The following APBB2 variants were observed in gnomAD, a reference collection of about 807,000 sequenced individuals.
APBB2 encodes the protein Fe65-like 1.
In APBB2, 38 loss-of-function variants were observed where a neutral mutation model predicts 82.5. The observed-to-expected ratio is 0.46, with a 90% CI of 0.36 to 0.60. The LOEUF is 0.60. Ranked by LOEUF, APBB2 falls within the 20% of genes least tolerant of loss-of-function variation. The pLI is 0.00. For missense variants in APBB2, 772 were observed against 972.3 expected, an observed-to-expected ratio of 0.79 and a Z score of 2.74; for synonymous variants, 341 against 368.2, an observed-to-expected ratio of 0.93 and a Z score of 0.85.
intron 1 of APBB2, among the ~76,000 whole-genome samples, chr4:41,203,187 T>A (rs936252396): frequency 7.3e-5 from 11 of 150,424 alleles, no homozygotes; most frequent in South Asian, 2.1e-4. Flanking sequence ...TACTTGCAGC[T>A]TGTAAAAAAA....
At chr4:41,134,301 C>G (rs560285822) in intron 2 of APBB2, among the ~76,000 whole-genome samples, 1 of 151,824 alleles carries the variant, frequency 6.6e-6, no homozygotes, top group South Asian at 2.1e-4. Flanking sequence ...TTTTTAGGGC[C>G]GGGCGCAGTG....
At chr4:41,016,965 T>G (rs1560534532) in intron 5 of APBB2, among the ~76,000 whole-genome samples, 1 of 152,050 alleles carries the variant, frequency 6.6e-6, no homozygotes, top group African/African-American at 2.4e-5. Flanking sequence ...GGCAGGAGCA[T>G]GCCTCACTGC....
In APBB2 at chr4:41,210,240, C is replaced by T. The variant is rs567530951; in HGVS notation, c.-417+4165G>A. On this transcript the variant is annotated intron_variant, in intron 1 of 17. Transcript: ENST00000508593. ...GCTCTTAAACGAAGACCTCTCTCCT[C>T]GAATGGCTGCATCACAGATCTCTAG... Among the ~76,000 whole-genome samples the T allele has an allele frequency of 4.6e-5, 7 of 152,308 alleles. No individual in the cohort carries two copies. In the South Asian group the frequency reaches 8.3e-4, roughly 18 times the overall value.
intron 5 of APBB2, among the ~76,000 whole-genome samples, chr4:41,019,403 G>T (rs1038851275): frequency 6.6e-6 from 1 of 152,088 alleles, no homozygotes; most frequent in Non-Finnish European, 1.5e-5. Flanking sequence ...GAAGAGAGGC[G>T]GTAAGGACAA....
At chr4:41,163,520 G>A (rs1765710871) in intron 1 of APBB2, among the ~76,000 whole-genome samples, 1 of 152,160 alleles carries the variant, frequency 6.6e-6, no homozygotes, top group African/African-American at 2.4e-5. Context: ...TTCAGAGAAA[G>A]AAGATTACTT....
chr4:41,126,796 TTTC>T (rs1219479624), intron 2 of APBB2, among the ~76,000 whole-genome samples: 5 of 152,318 alleles, frequency 3.3e-5, no homozygotes. Context: ...CTGTGCCTAA[TTTC>T]TTCTTCTTAT....
intron 1 of APBB2, among the ~76,000 whole-genome samples, chr4:41,173,095 C>A (rs1768778815): frequency 6.6e-6 from 1 of 152,164 alleles, no homozygotes; most frequent in Non-Finnish European, 1.5e-5. Flanking sequence ...ACACCAAAGA[C>A]TCTACTAATA....
At chr4:40,911,060 C>T (rs966085956) in intron 10 of APBB2, among the ~76,000 whole-genome samples, 6 of 152,210 alleles carry the variant, frequency 3.9e-5, no homozygotes, top group Non-Finnish European at 7.3e-5. Flanking sequence ...TGACCTTCCC[C>T]TGTGTCTTGG....
intron 2 of APBB2, among the ~76,000 whole-genome samples, chr4:41,117,406 C>A (rs1751389961): frequency 2.0e-5 from 3 of 151,614 alleles, no homozygotes; most frequent in Non-Finnish European, 2.9e-5. Context: ...AATTCTCCTG[C>A]CTCAGCCTCT....
At chr4:41,081,035 T>C (rs1272059646) in intron 3 of APBB2, among the ~76,000 whole-genome samples, 1 of 152,224 alleles carries the variant, frequency 6.6e-6, no homozygotes, top group African/African-American at 2.4e-5. Flanking sequence ...ATTTGACCAA[T>C]TGCCAAACTA....
At chr4:41,113,797 T>G (rs2153984240) in intron 2 of APBB2, 1 of 152,238 alleles carries the variant, frequency 6.6e-6, no homozygotes, top group East Asian at 1.9e-4. Context: ...AGGGTTAAAA[T>G]GTCATGACAG....
At chr4:40,866,674 T>C (rs1396600404) in intron 12 of APBB2, among the ~76,000 whole-genome samples, 1 of 152,208 alleles carries the variant, frequency 6.6e-6, no homozygotes, top group Non-Finnish European at 1.5e-5. Context: ...CAACTGGAAG[T>C]TCCTAATTTG....
intron 6 of APBB2, among the ~76,000 whole-genome samples, chr4:40,949,409 C>T (rs546936234): frequency 1.7e-4 from 26 of 152,198 alleles, no homozygotes; most frequent in Middle Eastern, 3.4e-3. Context: ...TGAAAACAAG[C>T]GTCAGTTTTT....
At chr4:40,817,211 C>T (rs113129203) in intron 17 of APBB2, among the ~76,000 whole-genome samples, 17 of 151,922 alleles carry the variant, frequency 1.1e-4, no homozygotes, top group Admixed American at 2.6e-4. Context: ...AGTTTGAAAC[C>T]GGCCTGGGCA....
At chr4:41,163,916 GA>G (rs1765823632) in intron 1 of APBB2, among the ~76,000 whole-genome samples, 1 of 152,094 alleles carries the variant, frequency 6.6e-6, no homozygotes, top group Admixed American at 6.5e-5. Flanking sequence ...CAACCTACAT[GA>G]AATATAAATG....
At chr4:40,897,231 A>C (rs1295215939) in intron 10 of APBB2, among the ~76,000 whole-genome samples, 2 of 151,530 alleles carry the variant, frequency 1.3e-5, no homozygotes, top group Admixed American at 1.3e-4. Flanking sequence ...CGGGTGGGCA[A>C]ACAGGCTCAT....
At chr4:40,885,794 T>C (rs1184014041) in intron 12 of APBB2, among the ~76,000 whole-genome samples, 1 of 152,254 alleles carries the variant, frequency 6.6e-6, no homozygotes, top group Non-Finnish European at 1.5e-5. Context: ...TCCATGTGAT[T>C]GTGTTTCCAC....
intron 5 of APBB2, among the ~76,000 whole-genome samples, chr4:41,028,949 CAAAG>C (rs1419065109): frequency 6.6e-6 from 1 of 152,128 alleles, no homozygotes; most frequent in Non-Finnish European, 1.5e-5. Flanking sequence ...AGCCTTTTGT[CAAAG>C]AAAGAGTTTG....
chr4:41,043,143 T>C (rs1247622503), intron 4 of APBB2, among the ~76,000 whole-genome samples: 2 of 152,240 alleles, frequency 1.3e-5, no homozygotes, highest in African/African-American at 4.8e-5. Context: ...TCAGCATTTA[T>C]ACTTTGCATA....
Sources: allele counts gnomAD v4.1 joint callset (sites outside exome capture counted in the v4.1 genomes callset), GRCh38; gene constraint gnomAD v4.1.1; transcripts MANE v1.5; gene names NCBI Gene and HGNC (gene_info 2026-07-23, HGNC 2026-07-21).